KIAA0319L: variants seen among roughly 807,000 people sequenced by gnomAD.
KIAA0319L encodes the protein KIAA0319 like, also known as dyslexia-associated protein KIAA0319-like protein.
KIAA0319L carries 55 observed loss-of-function variants against 120.1 expected under a neutral mutation model. That is an observed-to-expected ratio of 0.46 (90% confidence interval 0.37 to 0.57). The LOEUF (loss-of-function observed/expected upper bound fraction) is 0.57, where lower values mean the gene tolerates loss of function less well. Ranked by LOEUF, KIAA0319L falls within the 20% of genes least tolerant of loss-of-function variation. The pLI, the probability that KIAA0319L is intolerant of heterozygous loss-of-function variation, is 0.00. For missense variants in KIAA0319L, 1,049 were observed against 1,255.3 expected (o/e 0.84, Z 2.48); for synonymous variants, 398 against 471.9 (o/e 0.84, Z 2.03).
At chr1:35,476,509 T>G (rs1643901138) in intron 4 of KIAA0319L, among the ~76,000 whole-genome samples, 1 of 152,140 alleles carries the variant, frequency 6.6e-6, no homozygotes, top group African/African-American at 2.4e-5. Context: ...ATGGGAACAT[T>G]GCACTTGAGG....
intron 20 of KIAA0319L, among the ~76,000 whole-genome samples, chr1:35,436,468 G>T (rs1414964475): frequency 6.6e-6 from 1 of 152,186 alleles, no homozygotes; most frequent in East Asian, 1.9e-4. Context: ...TCTCCAGTGT[G>T]GTGGGGACAG....
chr1:35,460,821 T>C (rs1307222123), intron 8 of KIAA0319L, among the ~76,000 whole-genome samples: 1 of 152,198 alleles, frequency 6.6e-6, no homozygotes, highest in Admixed American at 6.5e-5. Context: ...TCATAACACA[T>C]TATATTGGTA....
intron 16 of KIAA0319L, 114 bp from the exon 17 acceptor site, chr1:35,444,417 C>A: frequency 1.0e-6 from 1 of 971,564 alleles, no homozygotes; most frequent in Non-Finnish European, 1.4e-6. Flanking sequence ...GTGTTACATG[C>A]ATTCTGTTAC....
intron 10 of KIAA0319L, 108 bp downstream of exon 10, chr1:35,455,905 A>C: frequency 1.2e-6 from 1 of 833,182 alleles, no homozygotes; most frequent in South Asian, 1.7e-5. Context: ...CTACCACGTT[A>C]ATCAAAGGCC....
intron 2 of KIAA0319L, among the ~76,000 whole-genome samples, chr1:35,536,306 T>C (rs1646571150): frequency 6.6e-6 from 1 of 152,196 alleles, no homozygotes; most frequent in Admixed American, 6.5e-5. Flanking sequence ...GAAAATCCTT[T>C]CAAATCCCAA....
chr1:35,547,337 CAT>C (rs1244550929), intron 2 of KIAA0319L, among the ~76,000 whole-genome samples: 3 of 149,746 alleles, frequency 2.0e-5, no homozygotes, highest in African/African-American at 7.3e-5. Context: ...TATATATACA[CAT>C]GATCCAGCAA....
Position 35,434,765 on chromosome 1 carries a change from G to T in KIAA0319L, c.*129C>A. ...ACGTCTCTGGATTCAAGTCCCAGGG[G>T]TTCTGGTTGGGACTGTCAGGGCGAA... On this transcript the variant is annotated 3_prime_UTR_variant, in exon 21 of 21. Transcript: ENST00000325722. 2 of 718,444 alleles carry T rather than the reference G, an allele frequency of 2.8e-6. No homozygotes were observed. The highest frequency in any genetic ancestry group is 2.0e-5 in the South Asian group (1 of 51,026). 44.5% of individuals were successfully genotyped at this position (718,444 alleles called of 1,614,324 possible).
intron 3 of KIAA0319L, among the ~76,000 whole-genome samples, chr1:35,501,315 C>T (rs1644996874): frequency 6.6e-6 from 1 of 152,184 alleles, no homozygotes; most frequent in Non-Finnish European, 1.5e-5. Flanking sequence ...TTATCCATTT[C>T]TAATTTCACG....
Position 35,479,114 on chromosome 1 carries a change from T to C in KIAA0319L, c.765A>G (p.Ser255=). 2 of 1,614,170 alleles carry C rather than the reference T, an allele frequency of 1.2e-6. No individual in the cohort carries two copies. The highest frequency in any genetic ancestry group is 1.7e-6 in the Non-Finnish European group (2 of 1,180,026). The stretch of plus-strand genomic sequence containing the variant: ...TGCTGGGCGTAGTAGCAAGACCCTC[T>C]GATATTTCAGGTTGCACTGATACAT... ...PKNVSVQPEI[S]EGLATTPSTQ... Residue 255 remains serine, a synonymous_variant, in exon 4 of 21, where the codon TCA becomes TCG. Coordinates refer to ENST00000325722, the MANE Select transcript of KIAA0319L (RefSeq NM_024874.5).
intron 5 of KIAA0319L, among the ~76,000 whole-genome samples, chr1:35,473,512 C>A (rs537762295): frequency 6.6e-6 from 1 of 152,270 alleles, no homozygotes; most frequent in South Asian, 2.1e-4. Flanking sequence ...TAGAGCCAAA[C>A]ATGTCTTTCA....
intron 2 of KIAA0319L, among the ~76,000 whole-genome samples, chr1:35,508,970 T>C (rs1244473609): frequency 1.3e-5 from 2 of 152,100 alleles, no homozygotes; most frequent in Non-Finnish European, 2.9e-5. Flanking sequence ...CATGAATAAC[T>C]AGAAAACTAG....
At chr1:35,499,254 C>A (rs746843310) in intron 3 of KIAA0319L, among the ~76,000 whole-genome samples, 28 of 151,642 alleles carry the variant, frequency 1.8e-4, no homozygotes, top group African/African-American at 6.8e-4. Flanking sequence ...TCCCAAAATT[C>A]GTATGTTGAA....
intron 9 of KIAA0319L, among the ~76,000 whole-genome samples, chr1:35,457,125 G>A (rs1642527422): frequency 6.6e-6 from 1 of 152,140 alleles, no homozygotes. Flanking sequence ...ACCATATAGA[G>A]TAGGCATCAT....
intron 2 of KIAA0319L, among the ~76,000 whole-genome samples, chr1:35,543,797 T>C (rs1197862206): frequency 6.6e-6 from 1 of 152,152 alleles, no homozygotes; most frequent in Non-Finnish European, 1.5e-5. Context: ...CCATCTGCAG[T>C]CTCTGTAGAG....
Position 35,479,363 on chromosome 1 carries a change from G to C in KIAA0319L, c.667-151C>G, listed in dbSNP as rs1004203774. The C allele has an allele frequency of 4.6e-6, 3 of 654,180 alleles. No individual in the cohort carries two copies. The African/African-American group carries it at 5.5e-5, about 12-fold the overall frequency. The allele number at this position is 654,180 out of a possible 1,614,324, so 40.5% of individuals were successfully genotyped here. A position where few individuals can be genotyped will look rare whatever the true frequency, so the allele number is the denominator to read the frequency against. On this transcript the variant is annotated intron_variant, in intron 3 of 20. Transcript: ENST00000325722. The stretch of plus-strand genomic sequence containing the variant: ...AACTAATCTCACCACCCAAATAAAA[G>C]TGGTGTTAAATGTTGAGATAAATCT...
chr1:35,460,156 G>T (rs537503634), intron 9 of KIAA0319L, 149 bp downstream of exon 9: 1 of 659,476 alleles, frequency 1.5e-6, no homozygotes. Context: ...TCACCATAGG[G>T]CTCAGAGAAC....
chr1:35,527,180 G>T (rs1337705688), intron 2 of KIAA0319L, among the ~76,000 whole-genome samples: 2 of 152,102 alleles, frequency 1.3e-5, no homozygotes, highest in Non-Finnish European at 2.9e-5. Flanking sequence ...CTGTTGACAT[G>T]ATGTATCATT....
At chr1:35,435,456 G>A (rs956164837) in intron 20 of KIAA0319L, 1 of 183,390 alleles carries the variant, frequency 5.5e-6, no homozygotes, top group Non-Finnish European at 1.1e-5. Flanking sequence ...AAAGCACAAA[G>A]AACTCAGGCT....
At position 35,462,691 on chromosome 1, in the gene KIAA0319L, G is replaced by C; in HGVS notation, c.1224C>G (p.Pro408=). Residue 408 remains proline (P), a synonymous_variant, in exon 8 of 21, where the codon CCC becomes CCG. Transcript: ENST00000325722. The part of the protein sequence containing the change: ...VKPEPRKNRP[P]IAIVSPQFQE... ...GGAACTGAGGTGACACAATAGCAATGGGGGGCCGATTCTTACGGGGCTCTG... is the reference window on the plus strand; with the variant it reads ...GGAACTGAGGTGACACAATAGCAATCGGGGGCCGATTCTTACGGGGCTCTG... 2 of 1,613,964 alleles carry C rather than the reference G, an allele frequency of 1.2e-6. No homozygotes were observed. Among genetic ancestry groups the C allele is most frequent in the Non-Finnish European group, 1.7e-6 (2 of 1,179,836 alleles).
Sources: allele counts gnomAD v4.1 joint callset (sites outside exome capture counted in the v4.1 genomes callset), GRCh38; gene constraint gnomAD v4.1.1; transcripts MANE v1.5; gene names NCBI Gene and HGNC (gene_info 2026-07-23, HGNC 2026-07-21).